ZEB1: variants seen among roughly 807,000 people sequenced by gnomAD.
ZEB1 encodes the protein zinc finger E-box-binding homeobox 1.
In ZEB1, 21 loss-of-function variants were observed where a neutral mutation model predicts 84.9. The ratio of observed to expected loss-of-function variants is 0.25; its 90% confidence interval spans 0.18 to 0.36. The LOEUF (loss-of-function observed/expected upper bound fraction) is 0.36, where lower values mean the gene tolerates loss of function less well. Ranked by LOEUF, ZEB1 falls within the 10% of genes least tolerant of loss-of-function variation. The probability of loss-of-function intolerance (pLI) is 1.00; values close to 1 mark genes in which losing one functional copy is unlikely to be tolerated. For missense variants in ZEB1, 1,104 were observed against 1,330.2 expected, an observed-to-expected ratio of 0.83 and a Z score of 2.65; for synonymous variants, 420 against 471.1, an observed-to-expected ratio of 0.89 and a Z score of 1.41.
At chr10:31,435,130 A>G (rs1287857937) in intron 1 of ZEB1, among the ~76,000 whole-genome samples, 1 of 152,248 alleles carries the variant, frequency 6.6e-6, no homozygotes, top group East Asian at 1.9e-4. Context: ...TGGAGTTTGA[A>G]GAAGGGTCAG....
chr10:31,441,325 A>G (rs960085265), intron 1 of ZEB1, among the ~76,000 whole-genome samples: 23 of 152,248 alleles, frequency 1.5e-4, no homozygotes, highest in Non-Finnish European at 2.1e-4. Flanking sequence ...CCTGTTTAAT[A>G]AATGGTGCTG....
At position 31,420,877 on chromosome 10, in the gene ZEB1, C is replaced by A. The variant is rs138539710; in HGVS notation, c.59-40160C>A. Among the ~76,000 whole-genome samples the A allele has an allele frequency of 4.3e-3, 651 of 152,238 alleles. 9 individuals are homozygous for A. The highest frequency in any genetic ancestry group is 0.015 in the African/African-American group (621 of 41,526). ...TTTGATGACTTCTTCACCATTCTTTCTCTTCCTTCATTCCGTAGATATCGA... is the reference window on the plus strand; with the variant it reads ...TTTGATGACTTCTTCACCATTCTTTATCTTCCTTCATTCCGTAGATATCGA... On this transcript the variant is annotated intron_variant, in intron 1 of 8. Coordinates refer to ENST00000424869, the MANE Select transcript of ZEB1 (RefSeq NM_001174096.2).
chr10:31,445,448 C>G (rs1288003226), intron 1 of ZEB1, among the ~76,000 whole-genome samples: 2 of 146,738 alleles, frequency 1.4e-5, no homozygotes, highest in African/African-American at 2.6e-5. Context: ...ACTTCCAACA[C>G]TATGTTGAAT....
At chr10:31,390,150 A>G (rs144993243) in intron 1 of ZEB1, among the ~76,000 whole-genome samples, 55 of 152,334 alleles carry the variant, frequency 3.6e-4, no homozygotes, top group African/African-American at 1.3e-3. Flanking sequence ...GTCCCATGCT[A>G]TATTTGAGGC....
intron 1 of ZEB1, among the ~76,000 whole-genome samples, chr10:31,406,610 A>G (rs1387977440): frequency 1.3e-5 from 2 of 152,134 alleles, no homozygotes; most frequent in Non-Finnish European, 2.9e-5. Context: ...TCAGATGGAT[A>G]GGTTGCAAAA....
At chr10:31,339,760 C>T (rs2038983169) in intron 1 of ZEB1, among the ~76,000 whole-genome samples, 1 of 144,204 alleles carries the variant, frequency 6.9e-6, no homozygotes, top group Non-Finnish European at 1.5e-5. Context: ...GAGACTCTGT[C>T]TCAAATTAAA....
At chr10:31,378,239 G>A (rs1415996382) in intron 1 of ZEB1, among the ~76,000 whole-genome samples, 1 of 151,454 alleles carries the variant, frequency 6.6e-6, no homozygotes. Context: ...TTGTTTATTA[G>A]TGTCGTGGAG....
intron 1 of ZEB1, among the ~76,000 whole-genome samples, chr10:31,420,899 T>A (rs556486036): frequency 2.6e-5 from 4 of 152,182 alleles, no homozygotes; most frequent in Non-Finnish European, 5.9e-5. Context: ...TCCGTAGATA[T>A]CGAGATTTCT....
chr10:31,517,778 CT>C (rs2071431160), intron 6 of ZEB1, among the ~76,000 whole-genome samples: 1 of 152,038 alleles, frequency 6.6e-6, no homozygotes, highest in Non-Finnish European at 1.5e-5. Context: ...ATAACTAGCA[CT>C]TATTGGATCC....
At chr10:31,328,329 G>T (rs2133179411) in intron 1 of ZEB1, among the ~76,000 whole-genome samples, 1 of 152,236 alleles carries the variant, frequency 6.6e-6, no homozygotes, top group East Asian at 1.9e-4. Flanking sequence ...TTTTATGCTT[G>T]AGTTTCTCTG....
At chr10:31,440,075 G>T (rs2058739706) in intron 1 of ZEB1, among the ~76,000 whole-genome samples, 1 of 152,076 alleles carries the variant, frequency 6.6e-6, no homozygotes, top group South Asian at 2.1e-4. Flanking sequence ...GGTAGTGGGT[G>T]GTCAGATCTT....
At chr10:31,406,678 C>T (rs547206287) in intron 1 of ZEB1, among the ~76,000 whole-genome samples, 3 of 152,268 alleles carry the variant, frequency 2.0e-5, no homozygotes, top group African/African-American at 4.8e-5. Context: ...TTTTGCTGTG[C>T]AGAAGCTCTT....
At chr10:31,415,934 C>T (rs958462599) in intron 1 of ZEB1, among the ~76,000 whole-genome samples, 8 of 151,910 alleles carry the variant, frequency 5.3e-5, no homozygotes, top group African/African-American at 1.4e-4. Context: ...TTTAAGAGAG[C>T]GTTAGAACAT....
chr10:31,509,208 C>CATA (rs1167142410), intron 4 of ZEB1, among the ~76,000 whole-genome samples: 1 of 152,150 alleles, frequency 6.6e-6, no homozygotes, highest in Non-Finnish European at 1.5e-5. Flanking sequence ...ACAGATTCAG[C>CATA]ATAAGCTCCC....
At chr10:31,449,548 T>A (rs989522463) in intron 1 of ZEB1, among the ~76,000 whole-genome samples, 1 of 152,202 alleles carries the variant, frequency 6.6e-6, no homozygotes, top group African/African-American at 2.4e-5. Flanking sequence ...GGGATCTGAT[T>A]TTTTTCCAAA....
chr10:31,492,600 T>C (rs1238833879), intron 2 of ZEB1, among the ~76,000 whole-genome samples: 1 of 151,936 alleles, frequency 6.6e-6, no homozygotes, highest in Non-Finnish European at 1.5e-5. Context: ...AAGGGAAATA[T>C]GATTCAGTTA....
intron 2 of ZEB1, among the ~76,000 whole-genome samples, chr10:31,473,977 T>C (rs1330397228): frequency 6.6e-6 from 1 of 152,148 alleles, no homozygotes; most frequent in East Asian, 1.9e-4. Flanking sequence ...CCCTATTTAA[T>C]AAATGGTTCT....
At chr10:31,349,425 G>A (rs758255980) in intron 1 of ZEB1, among the ~76,000 whole-genome samples, 5 of 152,120 alleles carry the variant, frequency 3.3e-5, no homozygotes, top group Non-Finnish European at 7.4e-5. Context: ...CATTTCTTTT[G>A]TATTTATAAC....
chr10:31,471,464 A>C (rs907785906), intron 2 of ZEB1, among the ~76,000 whole-genome samples: 1 of 151,642 alleles, frequency 6.6e-6, no homozygotes, highest in African/African-American at 2.4e-5. Flanking sequence ...AAAGAGACGA[A>C]GGCCATTACA....
Sources: allele counts gnomAD v4.1 joint callset (sites outside exome capture counted in the v4.1 genomes callset), GRCh38; gene constraint gnomAD v4.1.1; transcripts MANE v1.5; gene names NCBI Gene and HGNC (gene_info 2026-07-23, HGNC 2026-07-21).